Variants in ZNF407 observed in about 807,000 individuals in gnomAD.
ZNF407 encodes the protein zinc finger protein 407.
Under a neutral mutation model 131.2 loss-of-function variants are expected in ZNF407, and 17 were observed. The observed-to-expected ratio is 0.13, with a 90% CI of 0.09 to 0.19. ZNF407 has a LOEUF of 0.19. Ranked by LOEUF, ZNF407 falls within the 10% of genes least tolerant of loss-of-function variation. The probability of loss-of-function intolerance (pLI) is 1.00; values close to 1 mark genes in which losing one functional copy is unlikely to be tolerated. For synonymous variants in ZNF407, 1,156 were observed against 1,062.0 expected, an observed-to-expected ratio of 1.09 and a Z score of -1.72; for missense variants, 2,681 against 2,830.6, an observed-to-expected ratio of 0.95 and a Z score of 1.20.
Position 75,058,511 on chromosome 18 carries a change from G to A in ZNF407, c.5429-4639G>A, listed in dbSNP as rs540839212. On this transcript the variant is annotated intron_variant, in intron 8 of 8. Transcript: ENST00000299687. ...AAAAAAGAATGATTTTAGGCACACT[G>A]TTTGGTTAACTACTGTTACTGTATT... Among the ~76,000 whole-genome samples, 289 of 152,166 alleles carry A rather than the reference G, an allele frequency of 1.9e-3. 2 individuals are homozygous for A. The highest frequency in any genetic ancestry group is 4.3e-3 in the South Asian group (21 of 4,836).
At chr18:74,696,759 G>A (rs1465925467) in intron 3 of ZNF407, among the ~76,000 whole-genome samples, 5 of 152,152 alleles carry the variant, frequency 3.3e-5, no homozygotes, top group Non-Finnish European at 5.9e-5. Context: ...GTAGTAATAT[G>A]GAAACTGGTA....
chr18:74,738,462 G>A (rs966445607), intron 3 of ZNF407, among the ~76,000 whole-genome samples: 2 of 148,002 alleles, frequency 1.4e-5, no homozygotes, highest in South Asian at 2.1e-4. Flanking sequence ...GAAGTTGGCC[G>A]GGTGTGGTGG....
chr18:74,755,207 G>T (rs1023749795), intron 3 of ZNF407, among the ~76,000 whole-genome samples: 5 of 152,028 alleles, frequency 3.3e-5, no homozygotes, highest in African/African-American at 1.2e-4. Flanking sequence ...TTGCTTGGTA[G>T]ATCTTCCTCC....
chr18:74,627,631 A>G (rs563941702), intron 1 of ZNF407, among the ~76,000 whole-genome samples: 1 of 152,122 alleles, frequency 6.6e-6, no homozygotes, highest in Admixed American at 6.5e-5. Flanking sequence ...GTGCCCAGCC[A>G]GAAGAGCATT....
rs150921245 is a variant in ZNF407, at chr18:74,842,874, G to A, written c.4878-34323G>A. ...AAGTAGCTGGGGCATGAACCAACAC[G>A]CCCAGCTAATTTTTGTATTTTTAGT... On this transcript the variant is annotated intron_variant, in intron 4 of 8. Coordinates refer to ENST00000299687, the MANE Select transcript of ZNF407 (RefSeq NM_017757.3). Among the ~76,000 whole-genome samples, 650 of 151,964 alleles carry A rather than the reference G, an allele frequency of 4.3e-3. 4 individuals are homozygous for A. Among genetic ancestry groups the A allele is most frequent in the African/African-American group, 0.014 (597 of 41,400 alleles).
chr18:74,878,677 C>T (rs895093618), intron 5 of ZNF407, among the ~76,000 whole-genome samples: 1 of 152,072 alleles, frequency 6.6e-6, no homozygotes, highest in Admixed American at 6.5e-5. Flanking sequence ...TGTCTTTCTA[C>T]ATTTGAATGC....
intron 8 of ZNF407, among the ~76,000 whole-genome samples, chr18:74,973,477 G>A (rs565228291): frequency 1.6e-4 from 25 of 152,096 alleles, no homozygotes; most frequent in Non-Finnish European, 3.4e-4. Context: ...AGGCCAACAC[G>A]CGTTTCCAGA....
At chr18:74,921,741 T>A (rs1308285430) in intron 8 of ZNF407, among the ~76,000 whole-genome samples, 1 of 152,180 alleles carries the variant, frequency 6.6e-6, no homozygotes, top group African/African-American at 2.4e-5. Context: ...GCTGTAGGCA[T>A]GAACATTTAT....
At chr18:74,681,265 TC>T (rs904389915) in intron 3 of ZNF407, among the ~76,000 whole-genome samples, 2 of 152,002 alleles carry the variant, frequency 1.3e-5, no homozygotes, top group African/African-American at 4.8e-5. Context: ...AGATAGTGTC[TC>T]CCTCTGTCAC....
chr18:75,023,651 A>AGCTTTCTCTAATTATAGTCG (rs1416350991), intron 8 of ZNF407, among the ~76,000 whole-genome samples: 1 of 152,166 alleles, frequency 6.6e-6, no homozygotes, highest in Non-Finnish European at 1.5e-5. Flanking sequence ...GCAGGAAGTC[A>AGCTTTCTCTAATTATAGTCG]GCTTTCTCTA....
chr18:74,845,018 G>C (rs1206774812), intron 4 of ZNF407, among the ~76,000 whole-genome samples: 1 of 152,230 alleles, frequency 6.6e-6, no homozygotes, highest in Non-Finnish European at 1.5e-5. Flanking sequence ...CCGGAGTAAA[G>C]CGTGTGGCTC....
At chr18:74,942,659 C>T (rs971625093) in intron 8 of ZNF407, among the ~76,000 whole-genome samples, 3 of 152,276 alleles carry the variant, frequency 2.0e-5, no homozygotes, top group South Asian at 2.1e-4. Context: ...TGCTGGTCCA[C>T]GGGGCGGCTG....
At chr18:75,024,537 T>C (rs1396272497) in intron 8 of ZNF407, among the ~76,000 whole-genome samples, 1 of 152,238 alleles carries the variant, frequency 6.6e-6, no homozygotes, top group East Asian at 1.9e-4. Flanking sequence ...ATTCCTATTT[T>C]CCTTTCTATT....
intron 3 of ZNF407, among the ~76,000 whole-genome samples, chr18:74,674,771 T>C (rs534135604): frequency 3.9e-5 from 6 of 152,242 alleles, no homozygotes; most frequent in African/African-American, 1.4e-4. Context: ...TGTAAATGAG[T>C]TAGTGTGGCT....
chr18:74,968,785 G>T (rs1453419387), intron 8 of ZNF407, among the ~76,000 whole-genome samples: 2 of 152,046 alleles, frequency 1.3e-5, no homozygotes, highest in Non-Finnish European at 2.9e-5. Flanking sequence ...CCTTCTTCAG[G>T]TTCTCAGCTT....
At chr18:75,015,564 TTA>T (rs200958008) in intron 8 of ZNF407, among the ~76,000 whole-genome samples, 1,585 of 144,238 alleles carry the variant, frequency 0.011, 26 homozygotes, top group African/African-American at 0.037. Context: ...CATATAAACA[TTA>T]TATATATATA....
chr18:74,691,077 G>A (rs1300864901), intron 3 of ZNF407, among the ~76,000 whole-genome samples: 3 of 151,956 alleles, frequency 2.0e-5, no homozygotes, highest in East Asian at 1.9e-4. Context: ...TCAGGAGTTC[G>A]AGACCAGCGT....
Position 75,041,622 on chromosome 18 carries a change from GCACACACACA to G in ZNF407, c.5429-21503_5429-21494del, listed in dbSNP as rs57989015. Reference sequence around the variant, plus strand: ...GTAGCGCATGTGTGTGCATGCACGTGCACACACACACACACACACACACACACACACACAA... The same window carrying G: ...GTAGCGCATGTGTGTGCATGCACGTGCACACACACACACACACACACACAA... On this transcript the variant is annotated intron_variant, in intron 8 of 8. Coordinates refer to ENST00000299687, the MANE Select transcript of ZNF407 (RefSeq NM_017757.3). Among the ~76,000 whole-genome samples the G allele has an allele frequency of 4.9e-4, 71 of 144,972 alleles. 1 individual carries two copies. The highest frequency in any genetic ancestry group is 3.7e-3 in the Middle Eastern group (1 of 268).
At chr18:74,647,444 T>TAA (rs529450595) in intron 3 of ZNF407, among the ~76,000 whole-genome samples, 1 of 149,400 alleles carries the variant, frequency 6.7e-6, no homozygotes, top group East Asian at 2.0e-4. Context: ...ACCCCGTCTC[T>TAA]AAAAAAAAAA....
Sources: gnomAD v4.1 joint callset for allele counts (sites outside exome capture counted in the v4.1 genomes callset) on GRCh38, gnomAD v4.1.1 for gene constraint, MANE v1.5 for transcripts, NCBI Gene and HGNC (gene_info 2026-07-23, HGNC 2026-07-21) for gene names.